NR2C1: variants seen among roughly 807,000 people sequenced by gnomAD.
NR2C1 encodes nuclear receptor subfamily 2 group C member 1.
A neutral mutation model predicts 74.8 loss-of-function variants in NR2C1; 33 were observed. That is an observed-to-expected ratio of 0.44 (90% CI 0.33 to 0.59). The LOEUF (loss-of-function observed/expected upper bound fraction) is 0.59. NR2C1 is among the 20% of genes least tolerant of loss of function. NR2C1 has a pLI of 0.02. For synonymous variants in NR2C1, 225 were observed against 240.6 expected, an observed-to-expected ratio of 0.94 and a Z score of 0.60; for missense variants, 568 against 715.6, an observed-to-expected ratio of 0.79 and a Z score of 2.35.
intron 11 of NR2C1, chr12:95,030,901 G>C: frequency 6.5e-7 from 1 of 1,546,170 alleles, no homozygotes; most frequent in Non-Finnish European, 8.9e-7. Context: ...GAATAAAAAG[G>C]ATTGTTCCTG....
intron 8 of NR2C1, among the ~76,000 whole-genome samples, chr12:95,050,667 G>A (rs953824096): frequency 6.6e-6 from 1 of 150,940 alleles, no homozygotes; most frequent in Non-Finnish European, 1.5e-5. Context: ...TCTAGTTGCC[G>A]GTTGACTCAA....
At chr12:95,029,839 G>C (rs1333765870) in intron 11 of NR2C1, among the ~76,000 whole-genome samples, 1 of 152,062 alleles carries the variant, frequency 6.6e-6, no homozygotes, top group Non-Finnish European at 1.5e-5. Context: ...TTACAGGCGT[G>C]AGCTACCGCG....
At chr12:95,055,809 C>G (rs1021697744) in intron 7 of NR2C1, among the ~76,000 whole-genome samples, 1 of 151,680 alleles carries the variant, frequency 6.6e-6, no homozygotes, top group Non-Finnish European at 1.5e-5. Context: ...AAAAATTAGC[C>G]GGGCGTGGTG....
intron 7 of NR2C1, 105 bp from the exon 8 acceptor site, chr12:95,052,048 A>G: frequency 1.5e-6 from 1 of 687,876 alleles, no homozygotes. Context: ...GAACAGTATG[A>G]TAAATGAAAC....
chr12:95,042,943 A>G (rs1362332432), intron 9 of NR2C1, among the ~76,000 whole-genome samples: 2 of 151,334 alleles, frequency 1.3e-5, no homozygotes, highest in Admixed American at 1.3e-4. Flanking sequence ...AAAAAAAAAA[A>G]AAAAAAAACC....
At chr12:95,038,947 A>C (rs1408166214) in intron 10 of NR2C1, among the ~76,000 whole-genome samples, 1 of 152,164 alleles carries the variant, frequency 6.6e-6, no homozygotes, top group African/African-American at 2.4e-5. Flanking sequence ...TTTTTCTACA[A>C]ACACACACAC....
intron 2 of NR2C1, 128 bp from the exon 3 acceptor site, chr12:95,062,866 T>C (rs1248074658): frequency 1.5e-6 from 1 of 673,158 alleles, no homozygotes; most frequent in African/African-American, 1.8e-5. Context: ...AACTACCGAT[T>C]CTATTGCCAC....
At chr12:95,065,967 T>TTATTGA (rs1875631605) in intron 2 of NR2C1, among the ~76,000 whole-genome samples, 1 of 149,022 alleles carries the variant, frequency 6.7e-6, no homozygotes, top group Admixed American at 6.7e-5. Context: ...AAAAAAAAAA[T>TTATTGA]TATTGACTAT....
At chr12:95,027,527 A>C (rs1869507514) in intron 12 of NR2C1, among the ~76,000 whole-genome samples, 1 of 152,190 alleles carries the variant, frequency 6.6e-6, no homozygotes, top group Non-Finnish European at 1.5e-5. Flanking sequence ...ACCTTAGGTC[A>C]GGAGTTCAAC....
At chr12:95,054,901 A>G (rs139160963) in intron 7 of NR2C1, among the ~76,000 whole-genome samples, 3,147 of 152,276 alleles carry the variant, frequency 0.021, 100 homozygotes, top group African/African-American at 0.071. Context: ...AGGACCCTGC[A>G]GCGTTCCACA....
At chr12:95,061,454 CAA>C (rs1874767880) in intron 3 of NR2C1, among the ~76,000 whole-genome samples, 1 of 152,150 alleles carries the variant, frequency 6.6e-6, no homozygotes, top group African/African-American at 2.4e-5. Flanking sequence ...TCTAAAATAT[CAA>C]GTCTACTACT....
At chr12:95,022,973 G>A (rs1384917632) in intron 13 of NR2C1, among the ~76,000 whole-genome samples, 1 of 151,630 alleles carries the variant, frequency 6.6e-6, no homozygotes, top group East Asian at 1.9e-4. Flanking sequence ...AAAGTACTGA[G>A]ATTATAAGCG....
intron 1 of NR2C1, among the ~76,000 whole-genome samples, chr12:95,072,455 CAAAAAAAAAAAA>C (rs570185714): frequency 3.3e-5 from 2 of 60,280 alleles, no homozygotes; most frequent in Middle Eastern, 0.011. Context: ...CTCTCCCTCT[CAAAAAAAAAAAA>C]AAAAAAAGAA....
At chr12:95,029,785 CT>C (rs998747606) in intron 11 of NR2C1, among the ~76,000 whole-genome samples, 6 of 152,090 alleles carry the variant, frequency 3.9e-5, no homozygotes, top group Non-Finnish European at 8.8e-5. Context: ...TCTTGAACTC[CT>C]GACCTCATGA....
At chr12:95,041,952 G>A (rs1327146360) in intron 9 of NR2C1, among the ~76,000 whole-genome samples, 1 of 152,100 alleles carries the variant, frequency 6.6e-6, no homozygotes, top group African/African-American at 2.4e-5. Context: ...ATATATGTGG[G>A]CATTAAAATT....
Position 95,059,984 on chromosome 12 carries a change from GCTAA to G in NR2C1, c.286-4_286-1del. ...TGGTCTGGAGAATTATCTGTTAGGA[GCTAA>G]AAAAAAAAAAAAAAAAAAAGAAAAC... On this transcript the variant is annotated splice_acceptor_variant and splice_polypyrimidine_tract_variant and intron_variant, in intron 3 of 13. Coordinates refer to ENST00000333003, the MANE Select transcript of NR2C1 (RefSeq NM_003297.4). LOFTEE classifies it high-confidence loss of function. The G allele has an allele frequency of 9.3e-7, 1 of 1,071,796 alleles. No homozygotes were observed. The highest frequency in any genetic ancestry group is 1.9e-5 in the African/African-American group (1 of 52,560). The allele number at this position is 1,071,796 out of a possible 1,614,324, so 66.4% of individuals were successfully genotyped here.
chr12:95,043,762 A>G (rs1871925512), intron 9 of NR2C1, among the ~76,000 whole-genome samples: 1 of 152,124 alleles, frequency 6.6e-6, no homozygotes, highest in Admixed American at 6.5e-5. Flanking sequence ...TGTAATGTGT[A>G]AACACTGGAT....
At chr12:95,046,090 T>C (rs2136141198) in intron 9 of NR2C1, among the ~76,000 whole-genome samples, 1 of 152,278 alleles carries the variant, frequency 6.6e-6, no homozygotes, top group South Asian at 2.1e-4. Flanking sequence ...TCTGCCTGCG[T>C]AGGCCTCCCA....
At position 95,020,922 on chromosome 12, in the gene NR2C1, ATTTC is replaced by A. The variant is rs1046091621; in HGVS notation, c.*1303_*1306del. The A allele has an allele frequency of 1.4e-4, 21 of 152,334 alleles. No individual in the cohort carries two copies. Among genetic ancestry groups the A allele is most frequent in the African/African-American group, 2.9e-4 (12 of 41,576 alleles). The allele number at this position is 152,334 out of a possible 1,614,324, so 9.4% of individuals were successfully genotyped here. On this transcript the variant is annotated 3_prime_UTR_variant, in exon 14 of 14. Coordinates refer to ENST00000333003, the MANE Select transcript of NR2C1 (RefSeq NM_003297.4). ...TTTACAGTGAAAAAAATCAGTGAAT[ATTTC>A]TTTATTTTAAAAAATTATCAATAGC...
Sources: gnomAD v4.1 joint callset for allele counts (sites outside exome capture counted in the v4.1 genomes callset) on GRCh38, gnomAD v4.1.1 for gene constraint, MANE v1.5 for transcripts, NCBI Gene and HGNC (gene_info 2026-07-23, HGNC 2026-07-21) for gene names.